The following VPS50 variants were observed in gnomAD, a reference collection of about 807,000 sequenced individuals.
VPS50 encodes the protein syndetin.
A neutral mutation model predicts 139.7 loss-of-function variants in VPS50; 70 were observed. That is an observed-to-expected ratio of 0.50 (90% confidence interval 0.41 to 0.61). The LOEUF is 0.61. VPS50 is among the 20% of genes least tolerant of loss of function. VPS50 has a pLI of 0.00. For synonymous variants in VPS50, 365 were observed against 376.7 expected, an observed-to-expected ratio of 0.97 and a Z score of 0.36; for missense variants, 921 against 1,133.7, an observed-to-expected ratio of 0.81 and a Z score of 2.69.
At chr7:93,265,711 C>T (rs565580572) in intron 9 of VPS50, among the ~76,000 whole-genome samples, 1 of 152,158 alleles carries the variant, frequency 6.6e-6, no homozygotes, top group African/African-American at 2.4e-5. Flanking sequence ...ACTACAGGCA[C>T]ACGCCACTAC....
intron 21 of VPS50, among the ~76,000 whole-genome samples, chr7:93,333,370 T>TA (rs1391596460): frequency 6.6e-6 from 1 of 152,194 alleles, no homozygotes; most frequent in Non-Finnish European, 1.5e-5. Context: ...ATGACTATGT[T>TA]AATGACATAC....
intron 2 of VPS50, among the ~76,000 whole-genome samples, chr7:93,251,630 A>G (rs181137069): frequency 1.3e-5 from 2 of 152,298 alleles, no homozygotes; most frequent in African/African-American, 4.8e-5. Flanking sequence ...ACAAACCTGC[A>G]CATTCTGCAC....
Position 93,252,695 on chromosome 7 carries a change from G to A in VPS50, c.145G>A (p.Ala49Thr), listed in dbSNP as rs777396376. Residue 49 changes from alanine (A) to threonine (T), a missense_variant, in exon 3 of 28, where the codon GCT (alanine) becomes ACT (threonine). Physicochemically the swap from Ala to Thr is moderately conservative, Grantham distance 58 (BLOSUM62 0). Around this residue, in one of 3 missense-constraint regions of VPS50, gnomAD observed 744 missense variants for 930.6 expected, o/e 0.80. Transcript: ENST00000305866. ...TCGAGAACAGCCAAGTGACCCTCAA[G>A]CTGAACAAGAGCTTATTAATAGTAT... ...ELREQPSDPQ[A>T]EQELINSIEQ... 1.2e-6 allele frequency: 2 copies of A among 1,602,292 alleles called. No individual in the cohort carries two copies. Among genetic ancestry groups the A allele is most frequent in the South Asian group, 1.1e-5 (1 of 89,898 alleles).
intron 21 of VPS50, among the ~76,000 whole-genome samples, chr7:93,326,301 G>A (rs1261361519): frequency 2.0e-5 from 2 of 98,258 alleles, no homozygotes; most frequent in Admixed American, 1.4e-4. Flanking sequence ...CTGTTGTGGG[G>A]TGGGGGGAGG....
intron 14 of VPS50, among the ~76,000 whole-genome samples, chr7:93,295,949 C>T (rs2116948739): frequency 6.6e-6 from 1 of 152,252 alleles, no homozygotes; most frequent in South Asian, 2.1e-4. Context: ...TGGTCTTGAA[C>T]TCCTGGGCCC....
At chr7:93,233,770 G>A (rs1161334384) in intron 1 of VPS50, among the ~76,000 whole-genome samples, 2 of 152,136 alleles carry the variant, frequency 1.3e-5, no homozygotes, top group Non-Finnish European at 2.9e-5. Flanking sequence ...GTGACTTTCG[G>A]CAAGTTACAT....
At chr7:93,350,463 G>T (rs1478690362) in intron 25 of VPS50, among the ~76,000 whole-genome samples, 4 of 151,814 alleles carry the variant, frequency 2.6e-5, no homozygotes, top group Non-Finnish European at 5.9e-5. Context: ...TGGAGCCAAT[G>T]ACCTGTGTTT....
chr7:93,345,350 G>T (rs144974794), intron 23 of VPS50, among the ~76,000 whole-genome samples: 3 of 151,622 alleles, frequency 2.0e-5, no homozygotes, highest in African/African-American at 7.3e-5. Context: ...GCTTACCAAC[G>T]AAAAAGAGTC....
intron 2 of VPS50, chr7:93,246,011 G>T: frequency 2.7e-6 from 2 of 729,544 alleles, no homozygotes; most frequent in South Asian, 3.2e-5. Flanking sequence ...TTGTAATACT[G>T]ACTGAATATT....
chr7:93,285,156 C>A (rs550525657), intron 12 of VPS50, among the ~76,000 whole-genome samples: 1 of 150,836 alleles, frequency 6.6e-6, no homozygotes, highest in Admixed American at 6.6e-5. Context: ...GATAACCAAC[C>A]CTTTGTTGTT....
At chr7:93,335,818 CTG>C (rs1798054989) in intron 22 of VPS50, among the ~76,000 whole-genome samples, 1 of 152,146 alleles carries the variant, frequency 6.6e-6, no homozygotes, top group Non-Finnish European at 1.5e-5. Flanking sequence ...CCTGGCATTT[CTG>C]TGTCATCCCT....
intron 20 of VPS50, chr7:93,320,710 T>C (rs1229092029): frequency 6.6e-6 from 1 of 152,254 alleles, no homozygotes; most frequent in Non-Finnish European, 1.5e-5. Flanking sequence ...TATTTTGTTT[T>C]ATGGGTAAAT....
intron 26 of VPS50, among the ~76,000 whole-genome samples, chr7:93,355,207 C>T (rs1798672039): frequency 6.6e-6 from 1 of 151,116 alleles, no homozygotes; most frequent in African/African-American, 2.4e-5. Flanking sequence ...CTCATTCCCA[C>T]AGTTGAATTT....
At chr7:93,351,235 A>G (rs1798548344) in intron 25 of VPS50, among the ~76,000 whole-genome samples, 1 of 152,204 alleles carries the variant, frequency 6.6e-6, no homozygotes. Flanking sequence ...TCTGGAATTC[A>G]GAGACCATTG....
At chr7:93,296,599 G>C in intron 14 of VPS50, 143 bp from the exon 15 acceptor site, 1 of 1,402,216 alleles carries the variant, frequency 7.1e-7, no homozygotes, top group Non-Finnish European at 9.3e-7. Context: ...AAGGATGTTG[G>C]CTATTGGCCT....
intron 9 of VPS50, chr7:93,270,948 A>G (rs940999057): frequency 6.6e-6 from 2 of 304,622 alleles, no homozygotes; most frequent in Admixed American, 5.7e-5. Flanking sequence ...TGTTTATGTA[A>G]AAGTTACCAA....
chr7:93,277,379 A>G (rs577304636), intron 12 of VPS50, among the ~76,000 whole-genome samples: 1 of 152,328 alleles, frequency 6.6e-6, no homozygotes, highest in South Asian at 2.1e-4. Flanking sequence ...CTCTCACTGG[A>G]GACATCCTTG....
intron 10 of VPS50, 55 bp from the exon 11 acceptor site, chr7:93,272,580 T>C (rs549696828): frequency 2.8e-6 from 2 of 703,924 alleles, no homozygotes; most frequent in South Asian, 2.0e-5. Context: ...TTCTTCTCAT[T>C]GCCTTGAAAA....
At chr7:93,356,479 C>T (rs1798709653) in intron 27 of VPS50, among the ~76,000 whole-genome samples, 2 of 152,146 alleles carry the variant, frequency 1.3e-5, no homozygotes, top group African/African-American at 4.8e-5. Context: ...CTCATACAAA[C>T]CTTCTCGTAC....
Sources: allele counts gnomAD v4.1 joint callset (sites outside exome capture counted in the v4.1 genomes callset), GRCh38; gene constraint gnomAD v4.1.1; regional missense constraint gnomAD v4.1.1; transcripts MANE v1.5; gene names NCBI Gene and HGNC (gene_info 2026-07-23, HGNC 2026-07-21).